The following CRYBG3 variants were observed in gnomAD, a reference collection of about 807,000 sequenced individuals.
CRYBG3 encodes crystallin beta-gamma domain containing 3, also known as very large A-kinase anchor protein.
A neutral mutation model predicts 244.2 loss-of-function variants in CRYBG3; 127 were observed. The ratio of observed to expected loss-of-function variants is 0.52; its 90% CI spans 0.45 to 0.60. CRYBG3 has a LOEUF of 0.60. CRYBG3 is among the 20% of genes least tolerant of loss of function. The pLI, the probability that CRYBG3 is intolerant of heterozygous loss-of-function variation, is 0.00. For missense variants in CRYBG3, 3,325 were observed against 3,442.5 expected (o/e 0.97, Z 0.85); for synonymous variants, 1,132 against 1,195.8 (o/e 0.95, Z 1.10).
intron 12 of CRYBG3, 58 bp downstream of exon 12, chr3:97,896,143 T>C: frequency 6.6e-7 from 1 of 1,513,942 alleles, no homozygotes; most frequent in Non-Finnish European, 9.0e-7. Flanking sequence ...TTCACAAAAA[T>C]TGGACATGAC....
chr3:97,840,227 A>G (rs964298563), intron 1 of CRYBG3, among the ~76,000 whole-genome samples: 3 of 152,090 alleles, frequency 2.0e-5, no homozygotes, highest in Admixed American at 6.6e-5. Context: ...TAACAGTTGT[A>G]TCAGGAGTTA....
At chr3:97,913,341 T>C (rs888043943) in intron 16 of CRYBG3, among the ~76,000 whole-genome samples, 1 of 152,164 alleles carries the variant, frequency 6.6e-6, no homozygotes, top group African/African-American at 2.4e-5. Flanking sequence ...GTACCCACTA[T>C]ACCAGGGGTC....
At chr3:97,843,064 G>T (rs2038845345) in intron 1 of CRYBG3, 131 bp from the exon 2 acceptor site, 2 of 554,412 alleles carry the variant, frequency 3.6e-6, no homozygotes, top group Non-Finnish European at 6.3e-6. Flanking sequence ...ATATATCCTT[G>T]GTATAACATG....
At chr3:97,892,795 C>A in intron 10 of CRYBG3, 65 bp from the exon 11 acceptor site, 1 of 796,284 alleles carries the variant, frequency 1.3e-6, no homozygotes, top group Non-Finnish European at 1.9e-6. Flanking sequence ...ATTTTGTGGT[C>A]TTTGGTGTCA....
intron 1 of CRYBG3, among the ~76,000 whole-genome samples, chr3:97,832,231 A>T (rs1481076458): frequency 2.7e-5 from 4 of 150,560 alleles, no homozygotes; most frequent in Non-Finnish European, 5.9e-5. Context: ...TGGAACCAAA[A>T]AAAAAAAAAA....
rs751251571 is a variant in CRYBG3, at chr3:97,877,004, T to C, written c.5810T>C (p.Leu1937Ser). 2.0e-6 allele frequency: 3 copies of C among 1,529,776 alleles called. No individual in the cohort carries two copies. Among genetic ancestry groups the C allele is most frequent in the Non-Finnish European group, 2.6e-6 (3 of 1,141,930 alleles). The allele number at this position is 1,529,776 out of a possible 1,614,324, so 94.8% of individuals were successfully genotyped here. A position where few individuals can be genotyped will look rare whatever the true frequency, so the allele number is the denominator to read the frequency against. ...TTCAGGGGATATGAATCCCCTACAT[T>C]AAGTAAGGATTATGAGGGCTACCCA... is the stretch of plus-strand genomic sequence containing the variant. ...TYFRGYESPT[L>S]SKDYEGYPAP... is the part of the protein sequence containing the mutation. The change falls in exon 4 of 22, where the codon TTA becomes TCA. Residue 1937 changes from leucine to serine, a missense_variant. Physicochemically the swap from Leu to Ser is moderately radical, Grantham distance 145. Around this residue, in one of 4 missense-constraint regions of CRYBG3, gnomAD observed 450 missense variants for 424.1 expected, o/e 1.06. Coordinates refer to ENST00000389622, the MANE Select transcript of CRYBG3 (RefSeq NM_153605.4).
chr3:97,905,284 A>T (rs831890), intron 15 of CRYBG3, among the ~76,000 whole-genome samples: 107,719 of 149,784 alleles, frequency 0.72, 40,310 homozygotes, highest in East Asian at 0.85. Flanking sequence ...GGGTCAAATG[A>T]TATTTCCAGT....
Position 97,875,036 on chromosome 3 carries a change from C to T in CRYBG3, c.3842C>T (p.Pro1281Leu). The change falls in exon 4 of 22, where the codon CCA (proline) becomes CTA (leucine). Residue 1281 changes from proline to leucine, a missense_variant. Physicochemically the swap from Pro to Leu is moderately conservative, Grantham distance 98. This residue lies in a region of CRYBG3 where 635 missense variants were observed against 771.7 expected (regional missense o/e 0.82). Transcript: ENST00000389622. ...SEVKEKPCVSPTVGEKNLLVD... is the reference protein window; with the variant it reads ...SEVKEKPCVSLTVGEKNLLVD... ...GTCAAAGAGAAGCCCTGTGTTTCAC[C>T]AACAGTTGGTGAGAAGAATCTTCTT... is the stretch of plus-strand genomic sequence containing the variant. 6.5e-7 allele frequency: 1 copy of T among 1,534,986 alleles called. No homozygotes were observed. The highest frequency in any genetic ancestry group is 1.2e-5 in the South Asian group (1 of 83,814).
chr3:97,867,302 T>C (rs903542279), intron 3 of CRYBG3: 2 of 152,182 alleles, frequency 1.3e-5, no homozygotes, highest in African/African-American at 4.8e-5. Context: ...TCTTCCTCAT[T>C]TGGAAAGCAA....
chr3:97,928,542 C>G (rs1207162488), intron 17 of CRYBG3, among the ~76,000 whole-genome samples: 3 of 151,526 alleles, frequency 2.0e-5, no homozygotes, highest in African/African-American at 7.3e-5. Flanking sequence ...GCATATATAC[C>G]CCAGAACAGA....
intron 3 of CRYBG3, chr3:97,867,073 G>A (rs1387538460): frequency 6.6e-6 from 1 of 152,218 alleles, no homozygotes; most frequent in Non-Finnish European, 1.5e-5. Flanking sequence ...AGCACTTTGG[G>A]AGGCCGAGGC....
At chr3:97,855,803 AG>A (rs2108191544) in intron 2 of CRYBG3, among the ~76,000 whole-genome samples, 1 of 152,238 alleles carries the variant, frequency 6.6e-6, no homozygotes, top group East Asian at 1.9e-4. Context: ...GTGTGCAAAT[AG>A]GTGTGGGTCA....
At position 97,876,721 on chromosome 3, in the gene CRYBG3, A is replaced by G. The variant is rs900012843; in HGVS notation, c.5527A>G (p.Ile1843Val). Residue 1843 changes from isoleucine to valine, a missense_variant, in exon 4 of 22, where the codon ATA (isoleucine) becomes GTA (valine). By Grantham distance (29) the Ile-to-Val change is conservative (BLOSUM62 3). Around this residue, in one of 4 missense-constraint regions of CRYBG3, gnomAD observed 635 missense variants for 771.7 expected, o/e 0.82. Coordinates refer to ENST00000389622, the MANE Select transcript of CRYBG3 (RefSeq NM_153605.4). The stretch of plus-strand genomic sequence containing the variant: ...AGCAACTGTGTCCACACCCTCTGTG[A>G]TAGAAATGGAAAAAATATCCCCAGA... ...IGATVSTPSV[I>V]EMEKISPEDR... 11 of 1,257,258 alleles carry G rather than the reference A, an allele frequency of 8.7e-6. No individual in the cohort carries two copies. The African/African-American group carries it at 1.7e-4, about 19-fold the overall frequency. 77.9% of individuals were successfully genotyped at this position (1,257,258 alleles called of 1,614,324 possible).
At chr3:97,893,845 T>C (rs2039609141) in intron 11 of CRYBG3, among the ~76,000 whole-genome samples, 1 of 152,192 alleles carries the variant, frequency 6.6e-6, no homozygotes, top group African/African-American at 2.4e-5. Flanking sequence ...AAATGAATTG[T>C]TTAAGATCAC....
At chr3:97,858,600 A>T (rs1169621238) in intron 2 of CRYBG3, among the ~76,000 whole-genome samples, 2 of 152,024 alleles carry the variant, frequency 1.3e-5, no homozygotes, top group African/African-American at 4.8e-5. Context: ...CTAATCTATT[A>T]TTGATACTTT....
intron 17 of CRYBG3, chr3:97,933,385 G>T (rs1056876841): frequency 2.6e-6 from 1 of 391,730 alleles, no homozygotes; most frequent in Non-Finnish European, 4.8e-6. Flanking sequence ...ACTAATTATG[G>T]TCCATATTAC....
intron 2 of CRYBG3, among the ~76,000 whole-genome samples, chr3:97,845,948 T>C (rs528423524): frequency 9.2e-5 from 14 of 152,248 alleles, no homozygotes; most frequent in Non-Finnish European, 1.9e-4. Flanking sequence ...ATTGTTCAGT[T>C]CTTAATGCTT....
chr3:97,852,881 G>A (rs1483956974), intron 2 of CRYBG3, among the ~76,000 whole-genome samples: 3 of 152,158 alleles, frequency 2.0e-5, no homozygotes, highest in African/African-American at 7.2e-5. Context: ...TAACTGGGGT[G>A]TGATATCGCA....
At chr3:97,902,496 A>C (rs939554359) in intron 15 of CRYBG3, among the ~76,000 whole-genome samples, 13 of 85,368 alleles carry the variant, frequency 1.5e-4, no homozygotes, top group African/African-American at 4.2e-4. Flanking sequence ...ATTTCTTCTA[A>C]AAAAAAAAAG....
Sources: gnomAD v4.1 joint callset for allele counts (sites outside exome capture counted in the v4.1 genomes callset) on GRCh38, gnomAD v4.1.1 for gene constraint, gnomAD v4.1.1 regional missense constraint, MANE v1.5 for transcripts, NCBI Gene and HGNC (gene_info 2026-07-23, HGNC 2026-07-21) for gene names.